The following PANK4 variants were observed in gnomAD, a reference collection of about 807,000 sequenced individuals.
PANK4 encodes 4'-phosphopantetheine phosphatase.
In PANK4, 40 loss-of-function variants were observed where a neutral mutation model predicts 87.9. That is an observed-to-expected ratio of 0.46 (90% confidence interval 0.35 to 0.59). PANK4 has a LOEUF of 0.59. PANK4 is among the 20% of genes least tolerant of loss of function. The pLI, the probability that PANK4 is intolerant of heterozygous loss-of-function variation, is 0.00. For missense variants in PANK4, 926 were observed against 1,072.3 expected, an observed-to-expected ratio of 0.86 and a Z score of 1.90; for synonymous variants, 524 against 467.4, an observed-to-expected ratio of 1.12 and a Z score of -1.56.
intron 14 of PANK4, 70 bp from the exon 15 acceptor site, chr1:2,511,457 G>A: frequency 4.0e-6 from 5 of 1,251,212 alleles, no homozygotes; most frequent in Non-Finnish European, 5.9e-6. Context: ...CGCGTCTTCA[G>A]GTGTTCGTCT....
rs1255785079 is a variant in PANK4, at chr1:2,510,494, A to G, written c.1938+184T>C. 1.6e-6 allele frequency: 1 copy of G among 615,864 alleles called. No homozygotes were observed. The highest frequency in any genetic ancestry group is 2.9e-6 in the Non-Finnish European group (1 of 346,614). The allele number at this position is 615,864 out of a possible 1,614,324, so 38.1% of individuals were successfully genotyped here. A position where few individuals can be genotyped will look rare whatever the true frequency, so the allele number is the denominator to read the frequency against. The stretch of plus-strand genomic sequence containing the variant: ...GCACATGGACCCTCAGCCTGAGCCC[A>G]GGGGGCTCGGAGCCTCCACCCCAGC... On this transcript the variant is annotated intron_variant, in intron 16 of 18. Transcript: ENST00000378466. This position sits in a 1 kb window ranked among gnomAD's most constrained non-coding sequence, Gnocchi z 4.9.
chr1:2,515,649 G>A lies in PANK4; in HGVS notation c.1287C>T (p.Pro429=). The A allele has an allele frequency of 1.2e-6, 2 of 1,613,242 alleles. No homozygotes were observed. The highest frequency in any genetic ancestry group is 1.7e-6 in the Non-Finnish European group (2 of 1,179,944). The change falls in exon 10 of 19, where the codon CCC becomes CCT. Residue 429 remains proline, a synonymous_variant. Transcript: ENST00000378466. This position sits in a 1 kb window ranked among gnomAD's most constrained non-coding sequence, Gnocchi z 5.0. Reference sequence around the variant, plus strand: ...GGTCCACCGTGTCGGGCACGTAGGAGGGCGGGTCCAGGAGGAGCGGCAGGT... The same window carrying A: ...GGTCCACCGTGTCGGGCACGTAGGAAGGCGGGTCCAGGAGGAGCGGCAGGT... ...LVDLPLLLDP[P]SYVPDTVDLT...
At position 2,508,932 on chromosome 1, in the gene PANK4, G is replaced by C; in HGVS notation, c.2237C>G (p.Ala746Gly). 3 of 1,610,376 alleles carry C rather than the reference G, an allele frequency of 1.9e-6. No individual in the cohort carries two copies. Among genetic ancestry groups the C allele is most frequent in the Non-Finnish European group, 2.5e-6 (3 of 1,178,984 alleles). Residue 746 changes from alanine to glycine, a missense_variant, in exon 19 of 19, where the codon GCC becomes GGC. Coordinates refer to ENST00000378466, the MANE Select transcript of PANK4 (RefSeq NM_018216.4). This position sits in a 1 kb window ranked among gnomAD's most constrained non-coding sequence, Gnocchi z 5.1. The part of the protein sequence containing the change: ...AALRCESLKL[A>G]VIKNAWLAER... Reference sequence around the variant, plus strand: ...GGCCAGCCACGCGTTCTTGATGACGGCCAGCTTGAGGCTCTCGCAGCGCAG... The same window carrying C: ...GGCCAGCCACGCGTTCTTGATGACGCCCAGCTTGAGGCTCTCGCAGCGCAG...
intron 9 of PANK4, among the ~76,000 whole-genome samples, chr1:2,517,636 G>A (rs991198214): frequency 1.8e-4 from 27 of 152,212 alleles, no homozygotes; most frequent in African/African-American, 4.8e-4. Context: ...CATGGGGTGC[G>A]TCTCCTAGCC....
chr1:2,510,695 G>T lies in PANK4; in HGVS notation c.1921C>A (p.Leu641Ile). The T allele has an allele frequency of 4.4e-6, 7 of 1,596,638 alleles. No homozygotes were observed. The highest frequency in any genetic ancestry group is 1.1e-5 in the South Asian group (1 of 90,746). ...ACACTCACCTCTGTCCCTCTAAGGA[G>T]TAGCTCCCTGACAAAGGGGAAGACT... ...LGVFPFVREL[L>I]LRGTEVILAC... The change falls in exon 16 of 19, where the codon CTC becomes ATC. Residue 641 changes from leucine to isoleucine, a missense_variant. Coordinates refer to ENST00000378466, the MANE Select transcript of PANK4 (RefSeq NM_018216.4). This position sits in a 1 kb window ranked among gnomAD's most constrained non-coding sequence, Gnocchi z 4.9.
Position 2,519,777 on chromosome 1 carries a change from G to T in PANK4, c.853+24C>A. The T allele has an allele frequency of 6.4e-7, 1 of 1,553,404 alleles. No homozygotes were observed. The highest frequency in any genetic ancestry group is 8.7e-7 in the Non-Finnish European group (1 of 1,149,888). On this transcript the variant is annotated intron_variant, in intron 6 of 18. Transcript: ENST00000378466. The surrounding 1 kb of genome is among the most constrained non-coding windows in gnomAD (Gnocchi z 8.3). ...AAGTGTCCCCACCATCCTGCTCTCT[G>T]GCGGCAGAGGCCGGGGTGAGCACCT... is the stretch of plus-strand genomic sequence containing the variant.
rs1643639672 is a variant in PANK4 at position 2,510,328 on chromosome 1, GC to G, written c.1939-172del. On this transcript the variant is annotated intron_variant, in intron 16 of 18. Coordinates refer to ENST00000378466, the MANE Select transcript of PANK4 (RefSeq NM_018216.4). This position sits in a 1 kb window ranked among gnomAD's most constrained non-coding sequence, Gnocchi z 4.9. ...CCTCGCCTGACCTTGCCACTCTGTG[GC>G]CCCTGGGAGGGAGCTGAGCCGAGGG... The G allele has an allele frequency of 1.6e-6, 1 of 627,058 alleles. No individual in the cohort carries two copies. Among genetic ancestry groups the G allele is most frequent in the Non-Finnish European group, 2.9e-6 (1 of 346,312 alleles). The allele number at this position is 627,058 out of a possible 1,614,324, so 38.8% of individuals were successfully genotyped here. A position where few individuals can be genotyped will look rare whatever the true frequency, so the allele number is the denominator to read the frequency against.
intron 1 of PANK4, among the ~76,000 whole-genome samples, chr1:2,525,229 T>TGGCCTGGGTCTCTCTG (rs1643910201): frequency 6.6e-6 from 1 of 152,058 alleles, no homozygotes; most frequent in Admixed American, 6.6e-5. Context: ...TCAGAGGGAA[T>TGGCCTGGGTCTCTCTG]GGCCTGGGTC....
At chr1:2,525,529 A>G (rs1354454089) in intron 1 of PANK4, 3 of 152,130 alleles carry the variant, frequency 2.0e-5, no homozygotes, top group Non-Finnish European at 4.4e-5. Flanking sequence ...AGAGTAGGAG[A>G]GCAGGGAGTG....
In PANK4 at chr1:2,520,598, C is replaced by T. The variant is rs531721235; in HGVS notation, c.606+125G>A. ...CCCACAGAGGCTCTGAGCTCACAGC[C>T]TCGCCACCCCCCTCCCGCCCACTGG... On this transcript the variant is annotated intron_variant, in intron 4 of 18. Coordinates refer to ENST00000378466, the MANE Select transcript of PANK4 (RefSeq NM_018216.4). The surrounding 1 kb of genome is among the most constrained non-coding windows in gnomAD (Gnocchi z 6.2). The T allele has an allele frequency of 1.4e-4, 159 of 1,111,896 alleles. No homozygotes were observed. The South Asian group carries it at 1.9e-3, about 13-fold the overall frequency. 68.9% of individuals were successfully genotyped at this position (1,111,896 alleles called of 1,614,324 possible).
chr1:2,509,080 G>T lies in PANK4; in HGVS notation c.2109-20C>A, dbSNP rs750683955. 1.3e-6 allele frequency: 2 copies of T among 1,571,388 alleles called. No individual in the cohort carries two copies. Among genetic ancestry groups the T allele is most frequent in the Non-Finnish European group, 1.7e-6 (2 of 1,164,316 alleles). The stretch of plus-strand genomic sequence containing the variant: ...AGGCGGCTTTGGGGAGGAAGAGGAC[G>T]GTGAGACTGGGCAAGCAGACCCCAG... On this transcript the variant is annotated intron_variant, in intron 18 of 18. Coordinates refer to ENST00000378466, the MANE Select transcript of PANK4 (RefSeq NM_018216.4). This position sits in a 1 kb window ranked among gnomAD's most constrained non-coding sequence, Gnocchi z 4.9.
chr1:2,513,249 C>T (rs1037487383), intron 12 of PANK4, among the ~76,000 whole-genome samples: 1 of 152,272 alleles, frequency 6.6e-6, no homozygotes, highest in Non-Finnish European at 1.5e-5. Flanking sequence ...AGGACAACTT[C>T]AGCCCCCATG....
rs1201000001 is a variant in PANK4 at position 2,518,567 on chromosome 1, C to G, written c.1066G>C (p.Glu356Gln). 6.4e-7 allele frequency: 1 copy of G among 1,573,826 alleles called. No homozygotes were observed. Among genetic ancestry groups the G allele is most frequent in the Admixed American group, 1.8e-5 (1 of 54,686 alleles). ...GCTCCGATGGCTCCCAGGTAGCCTT[C>G]GTGCCTCAGAAACAGCGCCTGCACT... ...GEVQALFLRH[E>Q]GYLGAIGAFL... Residue 356 changes from glutamate to glutamine, a missense_variant, in exon 8 of 19, where the codon GAA becomes CAA. By Grantham distance (29) the Glu-to-Gln change is conservative. Transcript: ENST00000378466.
In PANK4 at chr1:2,508,970, G is replaced by T; in HGVS notation, c.2199C>A (p.Asn733Lys). The T allele has an allele frequency of 6.2e-7, 1 of 1,610,186 alleles. No homozygotes were observed. Among genetic ancestry groups the T allele is most frequent in the Non-Finnish European group, 8.5e-7 (1 of 1,179,378 alleles). The stretch of plus-strand genomic sequence containing the variant: ...TCTCGCAGCGCAGGGCTGCGTGGTA[G>T]TTTGTGTGGACAGCACGGCCCATGC... ...IEGMGRAVHTNYHAALRCESL... is the reference protein window; with the variant it reads ...IEGMGRAVHTKYHAALRCESL... The change falls in exon 19 of 19, where the codon AAC (asparagine) becomes AAA (lysine). Residue 733 changes from asparagine (N) to lysine (K), a missense_variant. Asn to Lys is a moderately conservative substitution (Grantham distance 94). Transcript: ENST00000378466. The surrounding 1 kb of genome is among the most constrained non-coding windows in gnomAD (Gnocchi z 5.1).
chr1:2,514,676 T>C (rs1194976133), intron 10 of PANK4, among the ~76,000 whole-genome samples: 1 of 102,750 alleles, frequency 9.7e-6, no homozygotes, highest in East Asian at 3.4e-4. Flanking sequence ...TATGGGGGGC[T>C]TCCCGGGGCA....
chr1:2,523,263 C>A (rs1220047398), intron 1 of PANK4, among the ~76,000 whole-genome samples: 1 of 152,070 alleles, frequency 6.6e-6, no homozygotes, highest in African/African-American at 2.4e-5. Context: ...GCAGGCTCCC[C>A]GACGGCTGGC....
In PANK4 at chr1:2,508,882, T is replaced by A; in HGVS notation, c.2287A>T (p.Ser763Cys). 6.2e-7 allele frequency: 1 copy of A among 1,606,506 alleles called. No individual in the cohort carries two copies. Among genetic ancestry groups the A allele is most frequent in the Non-Finnish European group, 8.5e-7 (1 of 1,176,742 alleles). The change falls in exon 19 of 19, where the codon AGC becomes TGC. Residue 763 changes from serine to cysteine, a missense_variant. Physicochemically the swap from Ser to Cys is moderately radical, Grantham distance 112. Transcript: ENST00000378466. The surrounding 1 kb of genome is among the most constrained non-coding windows in gnomAD (Gnocchi z 5.1). ...GGGACCTCGTACTTGAAGATGACGC[T>A]GAAGAGCCGGCCGCCCAGCCGCTCG... is the stretch of plus-strand genomic sequence containing the variant. ...LAERLGGRLF[S>C]VIFKYEVPAE
Position 2,520,826 on chromosome 1 carries a change from A to G in PANK4, c.503T>C (p.Val168Ala), listed in dbSNP as rs372257034. ...CTCAGGGTCGGAATCCTTCTGGTAC[A>G]CGAAGGCCTCATGGGGGATGTTCTT... The part of the protein sequence containing the change: ...VLKNIPHEAF[V>A]YQKDSDPEFR... The change falls in exon 4 of 19, where the codon GTG becomes GCG. Residue 168 changes from valine to alanine, a missense_variant. Coordinates refer to ENST00000378466, the MANE Select transcript of PANK4 (RefSeq NM_018216.4). The surrounding 1 kb of genome is among the most constrained non-coding windows in gnomAD (Gnocchi z 6.2). 6.2e-6 allele frequency: 10 copies of G among 1,606,892 alleles called. No individual in the cohort carries two copies. The highest frequency in any genetic ancestry group is 2.7e-5 in the African/African-American group (2 of 74,546).
At chr1:2,511,492 C>T (rs1643661039) in intron 14 of PANK4, 105 bp from the exon 15 acceptor site, 3 of 1,110,412 alleles carry the variant, frequency 2.7e-6, no homozygotes, top group South Asian at 2.5e-5. Context: ...TTCTCCCCGC[C>T]CCCGAAGCCC....
Sources: gnomAD v4.1 joint callset for allele counts (sites outside exome capture counted in the v4.1 genomes callset) on GRCh38, gnomAD v4.1.1 for gene constraint, Gnocchi (gnomAD v3.1) non-coding constraint, MANE v1.5 for transcripts, NCBI Gene and HGNC (gene_info 2026-07-23, HGNC 2026-07-21) for gene names.